Variants in ARID1B observed in about 807,000 individuals in gnomAD.
ARID1B encodes the protein AT-rich interactive domain-containing protein 1B.
ARID1B carries 30 observed loss-of-function variants against 212.3 expected under a neutral mutation model. The observed-to-expected ratio is 0.14, with a 90% CI of 0.11 to 0.19. The LOEUF (loss-of-function observed/expected upper bound fraction) is 0.19. Among genes scored for constraint, ARID1B ranks in the 10% least tolerant of loss-of-function variants. ARID1B has a pLI of 1.00. For synonymous variants in ARID1B, 1,402 were observed against 1,301.7 expected (o/e 1.08, Z -1.66); for missense variants, 2,891 against 3,204.0 (o/e 0.90, Z 2.36).
chr6:156,966,707 G>GT (rs1283107811), intron 4 of ARID1B, among the ~76,000 whole-genome samples: 5 of 143,332 alleles, frequency 3.5e-5, no homozygotes, highest in South Asian at 2.2e-4. Flanking sequence ...AAATAACTTT[G>GT]TTTTTTTGCT....
intron 4 of ARID1B, among the ~76,000 whole-genome samples, chr6:157,028,904 C>G (rs1390663008): frequency 1.3e-5 from 2 of 152,106 alleles, no homozygotes; most frequent in Non-Finnish European, 2.9e-5. Context: ...TTGGAAAGCT[C>G]AAAATTACTT....
chr6:156,850,375 A>T (rs1003022123), intron 2 of ARID1B, among the ~76,000 whole-genome samples: 3 of 152,188 alleles, frequency 2.0e-5, no homozygotes, highest in Non-Finnish European at 4.4e-5. Context: ...GAAATTGTGT[A>T]AATATTTTTC....
Position 156,779,146 on chromosome 6 carries a change from C to T in ARID1B, c.1466C>T (p.Ala489Val), listed in dbSNP as rs1419543028. Residue 489 changes from alanine to valine, a missense_variant, in exon 1 of 20, where the codon GCC (alanine) becomes GTC (valine). Physicochemically the swap from Ala to Val is moderately conservative, Grantham distance 64. Around this residue, in one of 7 missense-constraint regions of ARID1B, gnomAD observed 1,643 missense variants for 1,544.0 expected, o/e 1.06. Coordinates refer to ENST00000636930, the MANE Select transcript of ARID1B (RefSeq NM_001374828.1). Reference sequence around the variant, plus strand: ...GCGGCGGGGGGCTTCCAGCGCTTCGCCGGCCAGAACCAGCACCCGTCGGGG... The same window carrying T: ...GCGGCGGGGGGCTTCCAGCGCTTCGTCGGCCAGAACCAGCACCCGTCGGGG... ...GSAAGGFQRF[A>V]GQNQHPSGAT... is the part of the protein sequence containing the mutation. 2.3e-6 allele frequency: 3 copies of T among 1,282,664 alleles called. No homozygotes were observed. Among genetic ancestry groups the T allele is most frequent in the Non-Finnish European group, 2.0e-6 (2 of 1,010,958 alleles). 79.5% of individuals were successfully genotyped at this position (1,282,664 alleles called of 1,614,324 possible).
intron 4 of ARID1B, among the ~76,000 whole-genome samples, chr6:156,988,006 A>G (rs577097794): frequency 1.7e-4 from 26 of 152,330 alleles, no homozygotes; most frequent in Non-Finnish European, 2.5e-4. Context: ...TATCGTGGAA[A>G]TGGTCAATAT....
chr6:156,797,207 C>T (rs1452115501), intron 1 of ARID1B, among the ~76,000 whole-genome samples: 1 of 152,204 alleles, frequency 6.6e-6, no homozygotes, highest in Non-Finnish European at 1.5e-5. Flanking sequence ...AACCTAGTCC[C>T]TACTTTCATA....
At chr6:157,083,937 C>A (rs1012427616) in intron 4 of ARID1B, among the ~76,000 whole-genome samples, 2 of 152,032 alleles carry the variant, frequency 1.3e-5, no homozygotes, top group African/African-American at 4.8e-5. Flanking sequence ...AGTTCGAGAC[C>A]AGCCTGGCCA....
rs183964340 is a variant in ARID1B at position 156,955,347 on chromosome 6, T to C, written c.2247+19771T>C. Among the ~76,000 whole-genome samples the C allele has an allele frequency of 1.3e-5, 2 of 152,356 alleles. No individual in the cohort carries two copies. The highest frequency in any genetic ancestry group is 3.9e-4 in the East Asian group (2 of 5,192). On this transcript the variant is annotated intron_variant, in intron 4 of 19. Coordinates refer to ENST00000636930, the MANE Select transcript of ARID1B (RefSeq NM_001374828.1). This position sits in a 1 kb window ranked among gnomAD's most constrained non-coding sequence, Gnocchi z 4.2. Reference sequence around the variant, plus strand: ...CCAGGTGTGATAAACCTAGAGCTACTGTATGTTCCAGGCCATACATTACAT... The same window carrying C: ...CCAGGTGTGATAAACCTAGAGCTACCGTATGTTCCAGGCCATACATTACAT...
At chr6:156,890,531 T>C (rs1278303236) in intron 2 of ARID1B, among the ~76,000 whole-genome samples, 3 of 152,250 alleles carry the variant, frequency 2.0e-5, no homozygotes, top group Non-Finnish European at 4.4e-5. Flanking sequence ...GAAAGCCTGT[T>C]AAAAACTGGC....
chr6:156,820,514 G>C (rs1782280295), intron 1 of ARID1B, among the ~76,000 whole-genome samples: 1 of 152,170 alleles, frequency 6.6e-6, no homozygotes, highest in South Asian at 2.1e-4. Flanking sequence ...CCTTCAATTT[G>C]CTAATTTGTT....
rs1489759946 is a variant in ARID1B, at chr6:156,959,427, C to G, written c.2247+23851C>G. Among the ~76,000 whole-genome samples, 6 of 152,182 alleles carry G rather than the reference C, an allele frequency of 3.9e-5. No homozygotes were observed. In the East Asian group the frequency reaches 1.2e-3, roughly 29 times the overall value. The stretch of plus-strand genomic sequence containing the variant: ...AATTTGTATTATTTTTACTGCTTTT[C>G]CTCCCCCAATTTTTTATCTGCTATT... On this transcript the variant is annotated intron_variant, in intron 4 of 19. Coordinates refer to ENST00000636930, the MANE Select transcript of ARID1B (RefSeq NM_001374828.1).
At chr6:156,990,976 G>A (rs1488742714) in intron 4 of ARID1B, among the ~76,000 whole-genome samples, 4 of 152,174 alleles carry the variant, frequency 2.6e-5, no homozygotes, top group African/African-American at 7.2e-5. Flanking sequence ...TTACTTATGA[G>A]CTAGGCACTT....
chr6:156,830,217 G>A (rs1423650842), intron 2 of ARID1B, among the ~76,000 whole-genome samples: 1 of 152,176 alleles, frequency 6.6e-6, no homozygotes, highest in Non-Finnish European at 1.5e-5. Flanking sequence ...GTTACTAGGA[G>A]CACCAGAAAG....
chr6:156,871,820 C>G (rs913926902), intron 2 of ARID1B, among the ~76,000 whole-genome samples: 5 of 152,174 alleles, frequency 3.3e-5, no homozygotes, highest in African/African-American at 1.2e-4. Flanking sequence ...CTTGATGATA[C>G]CAGGTCCTTC....
chr6:156,974,268 T>G (rs1271290504), intron 4 of ARID1B, among the ~76,000 whole-genome samples: 2 of 152,224 alleles, frequency 1.3e-5, no homozygotes, highest in African/African-American at 4.8e-5. Flanking sequence ...GAGCTTTATC[T>G]TTATAAACCT....
At chr6:156,794,990 AT>A (rs1780258357) in intron 1 of ARID1B, among the ~76,000 whole-genome samples, 1 of 152,102 alleles carries the variant, frequency 6.6e-6, no homozygotes, top group Non-Finnish European at 1.5e-5. Context: ...TGGCATTGGG[AT>A]TTTCTGATCA....
At chr6:157,098,130 G>A (rs1368105561) in intron 5 of ARID1B, among the ~76,000 whole-genome samples, 4 of 152,258 alleles carry the variant, frequency 2.6e-5, no homozygotes, top group Admixed American at 6.5e-5. Flanking sequence ...GTGAGAGAAG[G>A]GAAAAATTAG....
chr6:156,945,042 C>T (rs1211818046), intron 4 of ARID1B, among the ~76,000 whole-genome samples: 1 of 150,582 alleles, frequency 6.6e-6, no homozygotes, highest in Non-Finnish European at 1.5e-5. Context: ...CCTGCCTCAG[C>T]CTCCCGAGTA....
chr6:157,171,048 CT>C (rs528682178), intron 9 of ARID1B, among the ~76,000 whole-genome samples: 3 of 152,180 alleles, frequency 2.0e-5, no homozygotes, highest in Non-Finnish European at 4.4e-5. Context: ...ATTTTGCAGA[CT>C]TGTAAGGAGA....
At chr6:156,875,445 A>G (rs921127065) in intron 2 of ARID1B, among the ~76,000 whole-genome samples, 2 of 152,260 alleles carry the variant, frequency 1.3e-5, no homozygotes, top group African/African-American at 4.8e-5. Flanking sequence ...TGCATTTGTA[A>G]TGGTCAATGT....
Sources: gnomAD v4.1 joint callset for allele counts (sites outside exome capture counted in the v4.1 genomes callset) on GRCh38, gnomAD v4.1.1 for gene constraint, gnomAD v4.1.1 regional missense constraint, Gnocchi (gnomAD v3.1) non-coding constraint, MANE v1.5 for transcripts, NCBI Gene and HGNC (gene_info 2026-07-23, HGNC 2026-07-21) for gene names.